The following FAR2 variants were observed in gnomAD, a reference collection of about 807,000 sequenced individuals.
FAR2 encodes the protein fatty acyl-CoA reductase 2.
A neutral mutation model predicts 56.0 loss-of-function variants in FAR2; 19 were observed. That is an observed-to-expected ratio of 0.34 (90% confidence interval 0.24 to 0.50). The LOEUF (loss-of-function observed/expected upper bound fraction) is 0.50, where lower values mean the gene tolerates loss of function less well. FAR2 is among the 20% of genes least tolerant of loss of function. The pLI, the probability that FAR2 is intolerant of heterozygous loss-of-function variation, is 0.98. For synonymous variants in FAR2, 219 were observed against 218.8 expected (o/e 1.00, Z -0.01); for missense variants, 508 against 642.2 (o/e 0.79, Z 2.26).
At chr12:29,202,671 T>A (rs1947430758) in intron 1 of FAR2, among the ~76,000 whole-genome samples, 1 of 152,142 alleles carries the variant, frequency 6.6e-6, no homozygotes, top group Admixed American at 6.5e-5. Context: ...GGAGTTCTTG[T>A]TTTTAGTTCA....
At chr12:29,210,589 C>T (rs951865431) in intron 1 of FAR2, among the ~76,000 whole-genome samples, 7 of 152,224 alleles carry the variant, frequency 4.6e-5, no homozygotes, top group Non-Finnish European at 8.8e-5. Context: ...CTTAGGCTTT[C>T]TGTTACATAT....
chr12:29,260,220 A>T (rs113054082), intron 1 of FAR2, among the ~76,000 whole-genome samples: 161 of 152,324 alleles, frequency 1.1e-3, no homozygotes, highest in Admixed American at 1.8e-3. Context: ...TTTTTGTGCC[A>T]ACTTGATATA....
chr12:29,313,068 CTAAT>C (rs1279879928), intron 8 of FAR2, among the ~76,000 whole-genome samples: 2 of 152,072 alleles, frequency 1.3e-5, no homozygotes, highest in African/African-American at 4.8e-5. Flanking sequence ...GAAGATATTA[CTAAT>C]TAATCTGATG....
intron 1 of FAR2, among the ~76,000 whole-genome samples, chr12:29,165,053 C>T (rs35708989): frequency 0.015 from 2,226 of 152,254 alleles, 32 homozygotes; most frequent in African/African-American, 0.046. Flanking sequence ...TTTTGAAGCA[C>T]AGAAGTTCTT....
intron 10 of FAR2, among the ~76,000 whole-genome samples, chr12:29,327,085 C>T (rs537085211): frequency 6.6e-6 from 1 of 152,248 alleles, no homozygotes; most frequent in East Asian, 1.9e-4. Flanking sequence ...GTGCAAAAAT[C>T]ACAAGTATAC....
At chr12:29,214,153 C>T (rs1388615920) in intron 1 of FAR2, among the ~76,000 whole-genome samples, 6 of 152,118 alleles carry the variant, frequency 3.9e-5, no homozygotes, top group Admixed American at 3.9e-4. Context: ...AGCTTGGATG[C>T]GTTATTCCAA....
Position 29,163,104 on chromosome 12 carries a change from A to G in FAR2, c.-39+13697A>G, listed in dbSNP as rs560723625. 2.0e-5 allele frequency among the ~76,000 whole-genome samples: 3 copies of G among 152,264 alleles called. No homozygotes were observed. The South Asian group carries it at 6.2e-4, about 32-fold the overall frequency. ...GCCCAGAGTGAGGGGAGACCTGGGA[A>G]CCCCTTCTCAAAGTCTGAGGTTTGC... On this transcript the variant is annotated intron_variant, in intron 1 of 11. Transcript: ENST00000536681.
chr12:29,221,813 A>G (rs1200744393), intron 1 of FAR2, among the ~76,000 whole-genome samples: 1 of 152,146 alleles, frequency 6.6e-6, no homozygotes, highest in South Asian at 2.1e-4. Context: ...AAATACAATT[A>G]CAGATGCTGC....
chr12:29,305,300 AT>A (rs1949238287), intron 4 of FAR2, among the ~76,000 whole-genome samples: 1 of 151,680 alleles, frequency 6.6e-6, no homozygotes, highest in South Asian at 2.1e-4. Context: ...TGCCCCATTA[AT>A]TTTTTTACAT....
chr12:29,311,823 T>C, intron 7 of FAR2, 60 bp from the exon 8 acceptor site: 3 of 1,241,052 alleles, frequency 2.4e-6, no homozygotes, highest in Non-Finnish European at 3.5e-6. Context: ...TTTTTCCTTA[T>C]TTTTCTCTCA....
Position 29,185,908 on chromosome 12 carries a change from A to C in FAR2, c.-39+36501A>C, listed in dbSNP as rs535850332. Among the ~76,000 whole-genome samples, 3 of 152,306 alleles carry C rather than the reference A, an allele frequency of 2.0e-5. No individual in the cohort carries two copies. The South Asian group carries it at 6.2e-4, about 32-fold the overall frequency. ...AACCTCCCCCTGCCCCATAGACAGA[A>C]GGAAAAACTGATGTTCACATATGAT... On this transcript the variant is annotated intron_variant, in intron 1 of 11. Coordinates refer to ENST00000536681, the MANE Select transcript of FAR2 (RefSeq NM_001271783.2).
chr12:29,240,779 T>TTG lies in FAR2; in HGVS notation c.-38-29619_-38-29618dup, dbSNP rs1332908742. ...TTTCTCTAAAGCACTAGGAATGTCA[T>TTG]TGTGTGTGTGTGTGTATGTATATTT... On this transcript the variant is annotated intron_variant, in intron 1 of 11. Transcript: ENST00000536681. Among the ~76,000 whole-genome samples, 26 of 149,830 alleles carry TTG rather than the reference T, an allele frequency of 1.7e-4. 1 individual carries two copies. In the East Asian group the frequency reaches 2.4e-3, roughly 14 times the overall value.
intron 1 of FAR2, among the ~76,000 whole-genome samples, chr12:29,256,653 G>C (rs1025371268): frequency 1.3e-5 from 2 of 152,224 alleles, no homozygotes; most frequent in Admixed American, 1.3e-4. Context: ...GGAGAGGCGC[G>C]GGCGGGAACA....
At chr12:29,230,735 G>A (rs896394665) in intron 1 of FAR2, among the ~76,000 whole-genome samples, 3 of 152,088 alleles carry the variant, frequency 2.0e-5, no homozygotes, top group Middle Eastern at 3.2e-3. Context: ...GAAATTGAGT[G>A]TGAGAAAAAG....
At chr12:29,198,436 C>A (rs996089103) in intron 1 of FAR2, among the ~76,000 whole-genome samples, 4 of 152,032 alleles carry the variant, frequency 2.6e-5, no homozygotes, top group African/African-American at 9.7e-5. Context: ...ACCACGTTGG[C>A]CAGGATGGTC....
At chr12:29,184,422 CTTTTTTTTTT>C (rs71042961) in intron 1 of FAR2, among the ~76,000 whole-genome samples, 3 of 59,716 alleles carry the variant, frequency 5.0e-5, no homozygotes, top group African/African-American at 7.3e-5. Context: ...AATCTAGCAT[CTTTTTTTTTT>C]TTTTTTTTTT....
chr12:29,300,498 GTTTC>G, intron 4 of FAR2, among the ~76,000 whole-genome samples: 1 of 152,254 alleles, frequency 6.6e-6, no homozygotes, highest in Non-Finnish European at 1.5e-5. Context: ...AAAATACTTT[GTTTC>G]TTTGAGTAAT....
intron 10 of FAR2, among the ~76,000 whole-genome samples, chr12:29,328,822 A>G (rs373112929): frequency 1.3e-5 from 2 of 152,082 alleles, no homozygotes; most frequent in Non-Finnish European, 1.5e-5. Context: ...CAGCACACCA[A>G]CATGGCACAT....
intron 1 of FAR2, among the ~76,000 whole-genome samples, chr12:29,253,431 G>A (rs1209716789): frequency 2.9e-5 from 4 of 139,750 alleles, no homozygotes; most frequent in African/African-American, 7.9e-5. Context: ...AGATAGATAT[G>A]TATGTATATA....
Sources: gnomAD v4.1 joint callset for allele counts (sites outside exome capture counted in the v4.1 genomes callset) on GRCh38, gnomAD v4.1.1 for gene constraint, MANE v1.5 for transcripts, NCBI Gene and HGNC (gene_info 2026-07-23, HGNC 2026-07-21) for gene names.